The following STK24 variants were observed in gnomAD, a reference collection of about 807,000 sequenced individuals.
STK24 encodes serine/threonine kinase 24.
A neutral mutation model predicts 55.6 loss-of-function variants in STK24; 21 were observed. That is an observed-to-expected ratio of 0.38 (90% CI 0.27 to 0.54). STK24 has a LOEUF of 0.54. STK24 is among the 20% of genes least tolerant of loss of function. The probability of loss-of-function intolerance (pLI) is 0.79; values close to 1 mark genes in which losing one functional copy is unlikely to be tolerated. For missense variants in STK24, 383 were observed against 538.4 expected, an observed-to-expected ratio of 0.71 and a Z score of 2.86; for synonymous variants, 200 against 215.2, an observed-to-expected ratio of 0.93 and a Z score of 0.62.
In STK24 at chr13:98,488,107, C is replaced by T. The variant is rs149818038; in HGVS notation, c.274-5786G>A. Among the ~76,000 whole-genome samples the T allele has an allele frequency of 1.0e-3, 155 of 151,184 alleles. 1 individual carries two copies. Among genetic ancestry groups the T allele is most frequent in the African/African-American group, 3.2e-3 (133 of 41,142 alleles). ...AAAGAGGTGACTGAGTTGCAATGAG[C>T]TCATTAGGGTGGGCCCTGATCCAAT... On this transcript the variant is annotated intron_variant, in intron 2 of 10. Coordinates refer to ENST00000539966, the MANE Select transcript of STK24 (RefSeq NM_001032296.4).
intron 6 of STK24, among the ~76,000 whole-genome samples, chr13:98,466,035 T>G (rs1304555094): frequency 6.6e-6 from 1 of 152,240 alleles, no homozygotes. Flanking sequence ...TGTTTCCAGC[T>G]AACCTTTGCC....
Position 98,549,902 on chromosome 13 carries a change from A to G in STK24, c.42+26843T>C, listed in dbSNP as rs185122176. Among the ~76,000 whole-genome samples the G allele has an allele frequency of 5.9e-5, 9 of 152,344 alleles. No homozygotes were observed. In the East Asian group the frequency reaches 1.7e-3, roughly 29 times the overall value. The stretch of plus-strand genomic sequence containing the variant: ...ATTCACAACATGACTGTGGAGAGCC[A>G]TAAGCATTCAGACCACAGTAGCTAC... On this transcript the variant is annotated intron_variant, in intron 1 of 10. Coordinates refer to ENST00000539966, the MANE Select transcript of STK24 (RefSeq NM_001032296.4).
chr13:98,517,915 C>T (rs774484473), intron 2 of STK24, among the ~76,000 whole-genome samples: 2 of 152,186 alleles, frequency 1.3e-5, no homozygotes, highest in Non-Finnish European at 2.9e-5. Context: ...GCATTAAGTA[C>T]CTACTACATG....
intron 2 of STK24, among the ~76,000 whole-genome samples, chr13:98,515,446 C>T (rs190831868): frequency 6.6e-6 from 1 of 151,666 alleles, no homozygotes; most frequent in Admixed American, 6.6e-5. Context: ...GAAACTACAA[C>T]GGGTGAAGTT....
At chr13:98,543,566 G>A (rs988145931) in intron 1 of STK24, among the ~76,000 whole-genome samples, 4 of 152,170 alleles carry the variant, frequency 2.6e-5, no homozygotes, top group Non-Finnish European at 4.4e-5. Context: ...GGGTGGGCGC[G>A]GACCCGAAGA....
chr13:98,540,640 T>C (rs1384857186), intron 1 of STK24, among the ~76,000 whole-genome samples: 2 of 151,778 alleles, frequency 1.3e-5, no homozygotes, highest in Non-Finnish European at 2.9e-5. Flanking sequence ...CCAAAACCAA[T>C]GACCAGTGCA....
At chr13:98,481,186 G>A (rs1280942608) in intron 3 of STK24, among the ~76,000 whole-genome samples, 1 of 152,214 alleles carries the variant, frequency 6.6e-6, no homozygotes, top group Non-Finnish European at 1.5e-5. Flanking sequence ...ACAGCTGCAC[G>A]AATTCGTTTG....
chr13:98,543,932 A>G (rs1594657159), intron 1 of STK24, among the ~76,000 whole-genome samples: 1 of 152,236 alleles, frequency 6.6e-6, no homozygotes, highest in East Asian at 1.9e-4. Flanking sequence ...CCTAGGCTTC[A>G]TAAGAACAGC....
At chr13:98,489,207 G>A (rs2139318399) in intron 2 of STK24, among the ~76,000 whole-genome samples, 1 of 152,322 alleles carries the variant, frequency 6.6e-6, no homozygotes, top group East Asian at 1.9e-4. Flanking sequence ...CGATGATGAT[G>A]AAGTGAGGCC....
Position 98,447,947 on chromosome 13 carries a change from T to TCTCCCCA in STK24, c.*5219_*5225dup, listed in dbSNP as rs548956284. 2.2e-6 allele frequency: 1 copy of TCTCCCCA among 460,270 alleles called. No individual in the cohort carries two copies. The highest frequency in any genetic ancestry group is 2.0e-5 in the African/African-American group (1 of 49,946). The allele number at this position is 460,270 out of a possible 1,614,324, so 28.5% of individuals were successfully genotyped here. A position where few individuals can be genotyped will look rare whatever the true frequency, so the allele number is the denominator to read the frequency against. On this transcript the variant is annotated 3_prime_UTR_variant, in exon 11 of 11. Coordinates refer to ENST00000539966, the MANE Select transcript of STK24 (RefSeq NM_001032296.4). The stretch of plus-strand genomic sequence containing the variant: ...TGTCCATGAAAATAGGAGGTAGCGT[T>TCTCCCCA]CTCCCCAGCAACCAGAGGCCACCTC...
At chr13:98,475,121 G>A (rs1894315285) in intron 4 of STK24, 129 bp downstream of exon 4, 2 of 1,406,740 alleles carry the variant, frequency 1.4e-6, no homozygotes, top group Admixed American at 5.2e-5. Context: ...CCCCCTCAAA[G>A]CCAGCCCAGC....
At chr13:98,564,584 G>A (rs137961466) in intron 1 of STK24, among the ~76,000 whole-genome samples, 17 of 152,336 alleles carry the variant, frequency 1.1e-4, no homozygotes, top group East Asian at 9.6e-4. Context: ...TTAGGCTGGC[G>A]TCTACATCTG....
At position 98,456,360 on chromosome 13, in the gene STK24, T is replaced by C. The variant is rs144790743; in HGVS notation, c.1259+808A>G. The stretch of plus-strand genomic sequence containing the variant: ...ATGATCACAGAGTCTCAGCCAGCTT[T>C]GGGAGGTGTCAGCCTGGACACCTGA... On this transcript the variant is annotated intron_variant, in intron 10 of 10. Coordinates refer to ENST00000539966, the MANE Select transcript of STK24 (RefSeq NM_001032296.4). 1,833 of 401,396 alleles carry C rather than the reference T, an allele frequency of 4.6e-3. 37 individuals are homozygous for C. The highest frequency in any genetic ancestry group is 0.02 in the South Asian group (1,117 of 55,212). The allele number at this position is 401,396 out of a possible 1,614,324, so 24.9% of individuals were successfully genotyped here. A position where few individuals can be genotyped will look rare whatever the true frequency, so the allele number is the denominator to read the frequency against.
rs529375205 is a variant in STK24 at position 98,523,938 on chromosome 13, C to T, written c.43-4465G>A. ...CAGCCCATCTGTTGTGAGATGCCTC[C>T]ATCCCTGCCCTCTTTGAAGAGGAGT... On this transcript the variant is annotated intron_variant, in intron 1 of 10. Coordinates refer to ENST00000539966, the MANE Select transcript of STK24 (RefSeq NM_001032296.4). Among the ~76,000 whole-genome samples the T allele has an allele frequency of 2.0e-4, 31 of 152,302 alleles. No homozygotes were observed. In the East Asian group the frequency reaches 5.6e-3, roughly 28 times the overall value.
In STK24 at chr13:98,463,756, G is replaced by C; in HGVS notation, c.864C>G (p.Ile288Met). The C allele has an allele frequency of 1.2e-6, 2 of 1,614,160 alleles. No homozygotes were observed. The highest frequency in any genetic ancestry group is 1.7e-6 in the Non-Finnish European group (2 of 1,180,024). Residue 288 changes from isoleucine to methionine, a missense_variant, in exon 7 of 11, where the codon ATC (isoleucine) becomes ATG (methionine). Coordinates refer to ENST00000539966, the MANE Select transcript of STK24 (RefSeq NM_001032296.4). The part of the protein sequence containing the change: ...AKKTSYLTEL[I>M]DRYKRWKAEQ... ...CGGCCTTCCATCTCTTGTACCTGTC[G>C]ATGAGCTCGGTCAAGTAGGAAGTTT... is the stretch of plus-strand genomic sequence containing the variant.
Position 98,446,082 on chromosome 13 carries a change from C to G in STK24, c.*7091G>C. ...AGGTGCCCGCTGTGCTTCTCACAGG[C>G]CTCCTTGCCTTTCAGAATCAGTTGT... On this transcript the variant is annotated 3_prime_UTR_variant, in exon 11 of 11. Transcript: ENST00000539966. 1 of 1,576,758 alleles carries G rather than the reference C, an allele frequency of 6.3e-7. No individual in the cohort carries two copies.
intron 2 of STK24, among the ~76,000 whole-genome samples, chr13:98,493,840 T>A (rs866244913): frequency 1.9e-3 from 246 of 126,762 alleles, no homozygotes; most frequent in African/African-American, 8.0e-3. Flanking sequence ...AAAAAAAAAA[T>A]TTTTTTTTTT....
intron 1 of STK24, among the ~76,000 whole-genome samples, chr13:98,523,869 G>A (rs111332419): frequency 2.0e-5 from 3 of 152,314 alleles, no homozygotes; most frequent in African/African-American, 7.2e-5. Flanking sequence ...CTGCCCCAGC[G>A]GAGGCCCCGA....
chr13:98,456,266 C>T (rs1187239130), intron 10 of STK24: 2 of 346,984 alleles, frequency 5.8e-6, no homozygotes, highest in Non-Finnish European at 1.1e-5. Flanking sequence ...AGGGACCTCA[C>T]GTGTGCAAAA....
Sources: allele counts gnomAD v4.1 joint callset (sites outside exome capture counted in the v4.1 genomes callset), GRCh38; gene constraint gnomAD v4.1.1; transcripts MANE v1.5; gene names NCBI Gene and HGNC (gene_info 2026-07-23, HGNC 2026-07-21).